The following PALD1 variants were observed in gnomAD, a reference collection of about 807,000 sequenced individuals.
The protein encoded by PALD1 is phosphatase domain containing paladin 1, also known as paladin.
PALD1 carries 57 observed loss-of-function variants against 96.0 expected under a neutral mutation model. The ratio of observed to expected loss-of-function variants is 0.59; its 90% confidence interval spans 0.48 to 0.74. The LOEUF (loss-of-function observed/expected upper bound fraction) is 0.74. Among genes scored for constraint, PALD1 ranks in the 30% least tolerant of loss-of-function variants. The pLI is 0.00. For missense variants in PALD1, 1,063 were observed against 1,143.7 expected (o/e 0.93, Z 1.02); for synonymous variants, 464 against 473.6 (o/e 0.98, Z 0.26).
At chr10:70,517,012 G>A (rs1046608052) in intron 1 of PALD1, among the ~76,000 whole-genome samples, 2 of 152,194 alleles carry the variant, frequency 1.3e-5, no homozygotes, top group East Asian at 3.9e-4. Flanking sequence ...CAGCTTCAGA[G>A]GCCAATGGGC....
At chr10:70,510,668 T>C (rs1042162763) in intron 1 of PALD1, among the ~76,000 whole-genome samples, 1 of 151,258 alleles carries the variant, frequency 6.6e-6, no homozygotes, top group Non-Finnish European at 1.5e-5. Context: ...GGTAACACCT[T>C]CTCGCTTCCC....
At chr10:70,564,997 C>A (rs1396209961) in intron 19 of PALD1, among the ~76,000 whole-genome samples, 1 of 152,224 alleles carries the variant, frequency 6.6e-6, no homozygotes, top group Admixed American at 6.5e-5. Flanking sequence ...GCCAACTCCT[C>A]CACAGCTGCT....
chr10:70,529,293 C>G lies in PALD1; in HGVS notation c.250C>G (p.Arg84Gly), dbSNP rs754412520. ...GCTCAAGGCTCATTACACGTTGGGC[C>G]GGCTCTCGGACAACACCCCTGAGCA... is the stretch of plus-strand genomic sequence containing the variant. ...ELLKAHYTLGRLSDNTPEHYL... is the reference protein window; with the variant it reads ...ELLKAHYTLGGLSDNTPEHYL... The change falls in exon 3 of 20, where the codon CGG (arginine) becomes GGG (glycine). Residue 84 changes from arginine (R) to glycine (G), a missense_variant. Coordinates refer to ENST00000263563, the MANE Select transcript of PALD1 (RefSeq NM_014431.3). The G allele has an allele frequency of 6.4e-7, 1 of 1,569,754 alleles. No individual in the cohort carries two copies. Among genetic ancestry groups the G allele is most frequent in the Admixed American group, 1.7e-5 (1 of 57,732 alleles).
intron 1 of PALD1, among the ~76,000 whole-genome samples, chr10:70,484,518 C>T (rs1845984478): frequency 6.6e-6 from 1 of 151,744 alleles, no homozygotes; most frequent in African/African-American, 2.4e-5. Flanking sequence ...CATGTAACTG[C>T]CCATTCTTTT....
At chr10:70,489,918 CCTCT>C (rs1213161339) in intron 1 of PALD1, among the ~76,000 whole-genome samples, 15 of 151,794 alleles carry the variant, frequency 9.9e-5, no homozygotes, top group Non-Finnish European at 1.6e-4. Flanking sequence ...TTGTAGACTC[CCTCT>C]CTCTCTCTTT....
At chr10:70,462,527 C>T in the PALD1 span, among the ~76,000 whole-genome samples, 1 of 152,276 alleles carries the variant, frequency 6.6e-6, no homozygotes, top group Non-Finnish European at 1.5e-5. Context: ...AGTCCAGTCT[C>T]AGCTGGGGAG....
At chr10:70,505,408 C>G (rs566525653) in intron 1 of PALD1, among the ~76,000 whole-genome samples, 11 of 152,000 alleles carry the variant, frequency 7.2e-5, no homozygotes, top group African/African-American at 2.4e-4. Context: ...CTAGCCTGTT[C>G]GAGACCAACA....
intron 18 of PALD1, among the ~76,000 whole-genome samples, chr10:70,557,665 C>T (rs922948328): frequency 8.5e-5 from 13 of 152,094 alleles, no homozygotes; most frequent in African/African-American, 2.7e-4. Flanking sequence ...ACCCACCACA[C>T]GCAGCGGCTG....
chr10:70,529,217 C>CCG lies in PALD1; in HGVS notation c.186-11_186-10insGC. 2.9e-6 allele frequency: 1 copy of CCG among 349,404 alleles called. No homozygotes were observed. Among genetic ancestry groups the CCG allele is most frequent in the South Asian group, 2.6e-5 (1 of 39,156 alleles). The allele number at this position is 349,404 out of a possible 1,614,324, so 21.6% of individuals were successfully genotyped here. A position where few individuals can be genotyped will look rare whatever the true frequency, so the allele number is the denominator to read the frequency against. On this transcript the variant is annotated splice_polypyrimidine_tract_variant and intron_variant, in intron 2 of 19. Coordinates refer to ENST00000263563, the MANE Select transcript of PALD1 (RefSeq NM_014431.3). Reference sequence around the variant, plus strand: ...ACTCAGTTTCCATTCTGCCCCCCCCCCCCCCCCCCAGGTACAACTGCAAGG... The same window carrying CCG: ...ACTCAGTTTCCATTCTGCCCCCCCCCCGCCCCCCCCCAGGTACAACTGCAAGG...
rs1390819890 is a variant in PALD1 at position 70,481,799 on chromosome 10, G to A, written c.-30+2740G>A. On this transcript the variant is annotated intron_variant, in intron 1 of 19. Coordinates refer to ENST00000263563, the MANE Select transcript of PALD1 (RefSeq NM_014431.3). ...AAGCCGTGGGCTTGCACAGGGAAGG[G>A]GTCCCCCACCTGGCTATGCTCAGGT... 2.6e-5 allele frequency among the ~76,000 whole-genome samples: 4 copies of A among 152,212 alleles called. No homozygotes were observed. In the South Asian group the frequency reaches 6.2e-4, roughly 24 times the overall value.
At chr10:70,538,837 T>A (rs1159973233) in intron 12 of PALD1, 55 bp from the exon 13 acceptor site, 1 of 1,497,248 alleles carries the variant, frequency 6.7e-7, no homozygotes, top group Non-Finnish European at 9.3e-7. Flanking sequence ...GTCCTGACCC[T>A]TTCTGCGGCT....
At chr10:70,513,670 TCTC>T (rs1846563931) in intron 1 of PALD1, among the ~76,000 whole-genome samples, 1 of 152,308 alleles carries the variant, frequency 6.6e-6, no homozygotes, top group East Asian at 1.9e-4. Flanking sequence ...ACAAGGGCAT[TCTC>T]CTTTTAGCCA....
In PALD1 at chr10:70,539,355, G is replaced by A. The variant is rs565299439; in HGVS notation, c.1725+108G>A. On this transcript the variant is annotated intron_variant, in intron 14 of 19. Coordinates refer to ENST00000263563, the MANE Select transcript of PALD1 (RefSeq NM_014431.3). The surrounding 1 kb of genome is among the most constrained non-coding windows in gnomAD (Gnocchi z 4.5). ...TCCCGCAGACAGATGGAGAATCTGA[G>A]GCCCCGGGAGGAGCAGTGTCAGGGA... 24 of 1,215,294 alleles carry A rather than the reference G, an allele frequency of 2.0e-5. No homozygotes were observed. In the East Asian group the frequency reaches 2.3e-4, roughly 12 times the overall value. The allele number at this position is 1,215,294 out of a possible 1,614,324, so 75.3% of individuals were successfully genotyped here.
chr10:70,476,979 G>A (rs1400051332), upstream of PALD1, among the ~76,000 whole-genome samples: 2 of 152,110 alleles, frequency 1.3e-5, no homozygotes, highest in African/African-American at 4.8e-5. Context: ...AGGTATGCAT[G>A]TTTATGTATA....
chr10:70,554,913 TC>T (rs1847562303), intron 18 of PALD1, among the ~76,000 whole-genome samples: 3 of 14,034 alleles, frequency 2.1e-4, no homozygotes, highest in African/African-American at 6.4e-4. Flanking sequence ...TCCCCTCCCC[TC>T]TCCTCCCCTC....
intron 1 of PALD1, among the ~76,000 whole-genome samples, chr10:70,508,809 G>GTGTGTGTGTGTGTGTGTGTGTGTA (rs1235689118): frequency 8.8e-6 from 1 of 113,758 alleles, no homozygotes; most frequent in African/African-American, 3.3e-5. Context: ...GTGTGTGTGT[G>GTGTGTGTGTGTGTGTGTGTGTGTA]TGTGTGTGTG....
intron 1 of PALD1, among the ~76,000 whole-genome samples, chr10:70,512,535 T>C (rs986389450): frequency 3.3e-5 from 5 of 152,218 alleles, no homozygotes; most frequent in Non-Finnish European, 2.9e-5. Flanking sequence ...CGACCTCTTC[T>C]TAGTGTGGTC....
intron 17 of PALD1, among the ~76,000 whole-genome samples, chr10:70,545,849 C>T (rs1793767818): frequency 6.6e-6 from 1 of 152,110 alleles, no homozygotes; most frequent in South Asian, 2.1e-4. Flanking sequence ...ACCCCCTCCT[C>T]ACCCCTCCAG....
chr10:70,528,758 C>G (rs1357561670), intron 2 of PALD1, among the ~76,000 whole-genome samples: 1 of 152,220 alleles, frequency 6.6e-6, no homozygotes, highest in Non-Finnish European at 1.5e-5. Context: ...ATGGCTGCTC[C>G]GTGATCATCC....
Sources: allele counts gnomAD v4.1 joint callset (sites outside exome capture counted in the v4.1 genomes callset), GRCh38; gene constraint gnomAD v4.1.1; non-coding constraint Gnocchi (gnomAD v3.1); transcripts MANE v1.5; gene names NCBI Gene and HGNC (gene_info 2026-07-23, HGNC 2026-07-21).